Variants in API5 observed in about 807,000 individuals in gnomAD.
API5 encodes FIF.
Under a neutral mutation model 71.9 loss-of-function variants are expected in API5, and 6 were observed. The observed-to-expected ratio is 0.08, with a 90% CI of 0.05 to 0.16. The LOEUF (loss-of-function observed/expected upper bound fraction) is 0.16. Among genes scored for constraint, API5 ranks in the 10% least tolerant of loss-of-function variants. The pLI is 1.00. For synonymous variants in API5, 189 were observed against 221.3 expected (o/e 0.85, Z 1.30); for missense variants, 332 against 612.8 (o/e 0.54, Z 4.84).
At chr11:43,331,710 AC>A (rs1416057762) in intron 11 of API5, among the ~76,000 whole-genome samples, 2 of 152,310 alleles carry the variant, frequency 1.3e-5, no homozygotes, top group Non-Finnish European at 2.9e-5. Context: ...TTCAAGTTGT[AC>A]AAGGGTCAGC....
intron 10 of API5, chr11:43,330,265 A>AT (rs1406028806): frequency 1.6e-6 from 1 of 611,498 alleles, no homozygotes. Flanking sequence ...GACCTTACTC[A>AT]TTTTTTAGCT....
At chr11:43,340,933 A>G (rs1048354848) in intron 13 of API5, among the ~76,000 whole-genome samples, 6 of 152,198 alleles carry the variant, frequency 3.9e-5, no homozygotes, top group Admixed American at 2.6e-4. Context: ...ACATGGGATC[A>G]TATCAAATTA....
chr11:43,335,384 T>G, intron 12 of API5, 30 bp downstream of exon 12: 1 of 1,416,866 alleles, frequency 7.1e-7, no homozygotes, highest in Non-Finnish European at 9.9e-7. Context: ...GAGATTTAAG[T>G]GTTATCAAAA....
chr11:43,316,736 C>G (rs1317771373), intron 1 of API5, among the ~76,000 whole-genome samples: 1 of 152,134 alleles, frequency 6.6e-6, no homozygotes, highest in Non-Finnish European at 1.5e-5. Context: ...CTTACCACAG[C>G]CTTTATCGCC....
chr11:43,338,056 A>ATAACT (rs1855492965), intron 13 of API5, among the ~76,000 whole-genome samples: 1 of 152,350 alleles, frequency 6.6e-6, no homozygotes. Context: ...AGTTATTCCC[A>ATAACT]GTCTTCAAAA....
intron 11 of API5, among the ~76,000 whole-genome samples, chr11:43,333,198 C>G (rs1038346164): frequency 6.6e-6 from 1 of 152,148 alleles, no homozygotes; most frequent in African/African-American, 2.4e-5. Context: ...TACCAAAACC[C>G]TCAGATTAAC....
chr11:43,342,525 T>A lies in API5; in HGVS notation c.*15T>A. On this transcript the variant is annotated 3_prime_UTR_variant, in exon 14 of 14. Coordinates refer to ENST00000531273, the MANE Select transcript of API5 (RefSeq NM_001142930.2). ...GACTCTACTGAATAAGACATCAGCA[T>A]TCTTCAGCATTGTCATGAGCTTAAT... 1 of 1,612,806 alleles carries A rather than the reference T, an allele frequency of 6.2e-7. No individual in the cohort carries two copies. Among genetic ancestry groups the A allele is most frequent in the Non-Finnish European group, 8.5e-7 (1 of 1,178,858 alleles).
chr11:43,323,550 G>A lies in API5; in HGVS notation c.664G>A (p.Asp222Asn), dbSNP rs905209925. 5 of 1,614,024 alleles carry A rather than the reference G, an allele frequency of 3.1e-6. No homozygotes were observed. Among genetic ancestry groups the A allele is most frequent in the African/African-American group, 1.3e-5 (1 of 74,914 alleles). ...TGTAGAGTTGGTGGCTGAACAGGCC[G>A]ACCTAGAACAGACCTTCAATCCCTC... ...QLVELVAEQA[D>N]LEQTFNPSDP... The change falls in exon 6 of 14, where the codon GAC becomes AAC. Residue 222 changes from aspartate (D) to asparagine (N), a missense_variant. Coordinates refer to ENST00000531273, the MANE Select transcript of API5 (RefSeq NM_001142930.2).
intron 1 of API5, among the ~76,000 whole-genome samples, chr11:43,317,214 A>G (rs921460387): frequency 2.0e-5 from 3 of 152,176 alleles, no homozygotes; most frequent in African/African-American, 7.2e-5. Context: ...AGTTTTATTC[A>G]TATGTCCAAA....
In API5 at chr11:43,343,020, T is replaced by G. The variant is rs1412920524; in HGVS notation, c.*510T>G. Reference sequence around the variant, plus strand: ...ACCTAGTGTCATAAAAGCAAAATACTTACATAGCTTTCTTAAAATATAGGA... The same window carrying G: ...ACCTAGTGTCATAAAAGCAAAATACGTACATAGCTTTCTTAAAATATAGGA... On this transcript the variant is annotated 3_prime_UTR_variant, in exon 14 of 14. Coordinates refer to ENST00000531273, the MANE Select transcript of API5 (RefSeq NM_001142930.2). 2.9e-5 allele frequency: 5 copies of G among 174,298 alleles called. No individual in the cohort carries two copies. The highest frequency in any genetic ancestry group is 6.0e-5 in the Non-Finnish European group (5 of 82,988). The allele number at this position is 174,298 out of a possible 1,614,324, so 10.8% of individuals were successfully genotyped here. A position where few individuals can be genotyped will look rare whatever the true frequency, so the allele number is the denominator to read the frequency against.
intron 5 of API5, among the ~76,000 whole-genome samples, chr11:43,322,891 C>CT (rs1590357541): frequency 6.6e-6 from 1 of 152,158 alleles, no homozygotes; most frequent in East Asian, 1.9e-4. Context: ...TGATTGTGAG[C>CT]TTTTTTGGTC....
intron 13 of API5, among the ~76,000 whole-genome samples, chr11:43,338,772 A>G (rs1485438603): frequency 1.3e-5 from 2 of 152,082 alleles, no homozygotes; most frequent in Non-Finnish European, 2.9e-5. Context: ...ACCTGAATTC[A>G]TATTAAAATT....
At chr11:43,331,985 C>G (rs1409343145) in intron 11 of API5, 4 of 152,114 alleles carry the variant, frequency 2.6e-5, no homozygotes, top group African/African-American at 7.2e-5. Context: ...TGATACAAGT[C>G]TATGTTGAAT....
intron 6 of API5, among the ~76,000 whole-genome samples, chr11:43,324,140 C>T (rs974499568): frequency 1.3e-5 from 2 of 152,156 alleles, no homozygotes; most frequent in Non-Finnish European, 2.9e-5. Context: ...ATCTCAGCCT[C>T]CCAAGTAGCT....
intron 11 of API5, chr11:43,332,089 A>G (rs1345751382): frequency 1.3e-5 from 2 of 152,214 alleles, no homozygotes; most frequent in African/African-American, 2.4e-5. Flanking sequence ...TAAGTTATCT[A>G]AAGGAAGGTA....
At chr11:43,332,715 T>C (rs548389061) in intron 11 of API5, among the ~76,000 whole-genome samples, 2 of 152,228 alleles carry the variant, frequency 1.3e-5, no homozygotes, top group Admixed American at 6.5e-5. Flanking sequence ...CAGAGTCCTT[T>C]TCAGTTTTTA....
chr11:43,319,283 G>T (rs546107318), intron 2 of API5, among the ~76,000 whole-genome samples: 3 of 152,014 alleles, frequency 2.0e-5, no homozygotes, highest in Non-Finnish European at 4.4e-5. Flanking sequence ...GGTTTTTGGG[G>T]GGTTTTTTGG....
rs1854487098 is a variant in API5, at chr11:43,312,040, G to A, written c.-88G>A. 1.4e-6 allele frequency: 2 copies of A among 1,438,194 alleles called. No individual in the cohort carries two copies. The highest frequency in any genetic ancestry group is 1.4e-5 in the African/African-American group (1 of 71,454). The allele number at this position is 1,438,194 out of a possible 1,614,324, so 89.1% of individuals were successfully genotyped here. A position where few individuals can be genotyped will look rare whatever the true frequency, so the allele number is the denominator to read the frequency against. On this transcript the variant is annotated 5_prime_UTR_variant, in exon 1 of 14. Coordinates refer to ENST00000531273, the MANE Select transcript of API5 (RefSeq NM_001142930.2). ...GCGGCAGCTGGAGGTGTAATAGTGC[G>A]GGTAGTGGGTTTGGAGAAGTTCCGA...
chr11:43,318,952 A>T (rs1223245677), intron 2 of API5, 151 bp downstream of exon 2: 1 of 681,118 alleles, frequency 1.5e-6, no homozygotes, highest in African/African-American at 1.8e-5. Flanking sequence ...AAATTTACAT[A>T]TGATAAAGTG....
Sources: gnomAD v4.1 joint callset for allele counts (sites outside exome capture counted in the v4.1 genomes callset) on GRCh38, gnomAD v4.1.1 for gene constraint, MANE v1.5 for transcripts, NCBI Gene and HGNC (gene_info 2026-07-23, HGNC 2026-07-21) for gene names.